Variants in INTS1 observed in about 807,000 individuals in gnomAD.
INTS1 encodes integrator complex subunit 1.
Under a neutral mutation model 241.6 loss-of-function variants are expected in INTS1, and 137 were observed. The ratio of observed to expected loss-of-function variants is 0.57; its 90% CI spans 0.49 to 0.65. The LOEUF (loss-of-function observed/expected upper bound fraction) is 0.65. Among genes scored for constraint, INTS1 ranks in the 30% least tolerant of loss-of-function variants. INTS1 has a pLI of 0.00. For missense variants in INTS1, 3,073 were observed against 3,032.2 expected (o/e 1.01, Z -0.32); for synonymous variants, 1,692 against 1,337.8 (o/e 1.26, Z -5.78).
intron 35 of INTS1, among the ~76,000 whole-genome samples, chr7:1,477,227 C>A (rs571297768): frequency 6.6e-6 from 1 of 152,358 alleles, no homozygotes; most frequent in South Asian, 2.1e-4. Flanking sequence ...CTGGCCACAG[C>A]CCCATTCCCT....
intron 2 of INTS1, 124 bp from the exon 3 acceptor site, chr7:1,503,315 C>G (rs1303574301): frequency 9.7e-7 from 1 of 1,026,172 alleles, no homozygotes; most frequent in African/African-American, 1.6e-5. Context: ...AGGAAGAAGC[C>G]AGAGCTCACT....
Position 1,483,873 on chromosome 7 carries a change from G to C in INTS1, c.3430-20C>G, listed in dbSNP as rs1782116173. 6.2e-7 allele frequency: 1 copy of C among 1,603,464 alleles called. No homozygotes were observed. The highest frequency in any genetic ancestry group is 1.7e-4 in the Middle Eastern group (1 of 6,040). On this transcript the variant is annotated intron_variant, in intron 25 of 47. Coordinates refer to ENST00000404767, the MANE Select transcript of INTS1 (RefSeq NM_001080453.3). ...CTCCGACTGTGGGAAAAGAGGTGGAGTCAGGCCGTAAGGTTCAGGGACCCT... is the reference window on the plus strand; with the variant it reads ...CTCCGACTGTGGGAAAAGAGGTGGACTCAGGCCGTAAGGTTCAGGGACCCT...
At chr7:1,478,647 G>C (rs950987980) in intron 32 of INTS1, 79 bp downstream of exon 32, 5 of 1,487,774 alleles carry the variant, frequency 3.4e-6, no homozygotes, top group Non-Finnish European at 4.5e-6. Context: ...AGGCCTCGGG[G>C]TGCCAGGCAG....
rs11411108 is a variant in INTS1, at chr7:1,493,591, C to CG, written c.2068+162dup. ...TACACGCACGCTTCTGAATTCCCAA[C>CG]GGCAGATGTGGAGAAGGCAGGTCCC... On this transcript the variant is annotated intron_variant, in intron 15 of 47. Transcript: ENST00000404767. The surrounding 1 kb of genome is among the most constrained non-coding windows in gnomAD (Gnocchi z 5.3). Among the ~76,000 whole-genome samples, 81,726 of 151,904 alleles carry CG rather than the reference C, an allele frequency of 0.54. 23,794 individuals carry two copies. The highest frequency in any genetic ancestry group is 0.77 in the African/African-American group (31,908 of 41,442).
At chr7:1,499,387 C>T (rs778588497) in intron 6 of INTS1, 27 bp from the exon 7 acceptor site, 6 of 1,559,094 alleles carry the variant, frequency 3.8e-6, no homozygotes, top group East Asian at 4.5e-5. Context: ...GGGCTCCATG[C>T]AGCGCCTCCC....
At chr7:1,483,028 G>A in intron 26 of INTS1, 1 of 307,018 alleles carries the variant, frequency 3.3e-6, no homozygotes, top group South Asian at 4.6e-5. Flanking sequence ...CCAGCTCTCT[G>A]GCTCCGCAAA....
Position 1,500,015 on chromosome 7 carries a change from A to T in INTS1, c.553T>A (p.Cys185Ser). 1 of 1,613,198 alleles carries T rather than the reference A, an allele frequency of 6.2e-7. No homozygotes were observed. Among genetic ancestry groups the T allele is most frequent in the Non-Finnish European group, 8.5e-7 (1 of 1,179,742 alleles). Residue 185 changes from cysteine to serine, a missense_variant, in exon 5 of 48, where the codon TGT (cysteine) becomes AGT (serine). Cys to Ser is a moderately radical substitution (Grantham distance 112). Coordinates refer to ENST00000404767, the MANE Select transcript of INTS1 (RefSeq NM_001080453.3). ...FATEGVIEAL[C>S]SLLRRDASIN... ...GAGGCGTCCCGCCGCAGGAGGCTAC[A>T]CAGAGCCTGCCAGGGAGGGCGCATG...
chr7:1,493,196 C>T lies in INTS1; in HGVS notation c.2069-90G>A, dbSNP rs970238039. On this transcript the variant is annotated intron_variant, in intron 15 of 47. Transcript: ENST00000404767. The surrounding 1 kb of genome is among the most constrained non-coding windows in gnomAD (Gnocchi z 5.3). ...GGAACCGGCCCTGCTCGGGCCGCGT[C>T]GGGGTGGGGTGGGGGATGCCGCAGG... 2.9e-5 allele frequency: 14 copies of T among 476,938 alleles called. No homozygotes were observed. The highest frequency in any genetic ancestry group is 2.5e-4 in the African/African-American group (12 of 48,448). 29.5% of individuals were successfully genotyped at this position (476,938 alleles called of 1,614,324 possible).
At chr7:1,502,670 G>A (rs1323219211) in intron 3 of INTS1, among the ~76,000 whole-genome samples, 1 of 152,156 alleles carries the variant, frequency 6.6e-6, no homozygotes, top group African/African-American at 2.4e-5. Flanking sequence ...ACTCAATAAG[G>A]GAGTGACCCG....
In INTS1 at chr7:1,497,256, G is replaced by A. The variant is rs760468121; in HGVS notation, c.1484C>T (p.Ser495Leu). The change falls in exon 11 of 48, where the codon TCG (serine) becomes TTG (leucine). Residue 495 changes from serine to leucine, a missense_variant. By Grantham distance (145) the Ser-to-Leu change is moderately radical. Coordinates refer to ENST00000404767, the MANE Select transcript of INTS1 (RefSeq NM_001080453.3). This position sits in a 1 kb window ranked among gnomAD's most constrained non-coding sequence, Gnocchi z 5.3. ...GATGATCTCCCGCAGCAGGGCCCGC[G>A]AGGCCCGCAGGTAGTCGTCCTTGTT... ...LTNKDDYLRA[S>L]RALLREIIKQ... The A allele has an allele frequency of 4.3e-6, 7 of 1,613,480 alleles. No homozygotes were observed. The highest frequency in any genetic ancestry group is 1.7e-5 in the Admixed American group (1 of 59,988).
rs758256915 is a variant in INTS1 at position 1,503,134 on chromosome 7, G to C, written c.116C>G (p.Ser39Trp). The C allele has an allele frequency of 6.3e-7, 1 of 1,592,984 alleles. No individual in the cohort carries two copies. The highest frequency in any genetic ancestry group is 1.7e-5 in the Admixed American group (1 of 58,090). Residue 39 changes from serine (S) to tryptophan (W), a missense_variant, in exon 3 of 48, where the codon TCG (serine) becomes TGG (tryptophan). Coordinates refer to ENST00000404767, the MANE Select transcript of INTS1 (RefSeq NM_001080453.3). ...ALGSKGQANESKTASTLLKPA... is the reference protein window; with the variant it reads ...ALGSKGQANEWKTASTLLKPA... ...CTTCAGCAGGGTGGACGCCGTTTTCGATTCATTGGCCTGACCCTTTGAGCC... is the reference window on the plus strand; with the variant it reads ...CTTCAGCAGGGTGGACGCCGTTTTCCATTCATTGGCCTGACCCTTTGAGCC...
chr7:1,502,270 G>T (rs1237406142), intron 3 of INTS1, among the ~76,000 whole-genome samples: 2 of 152,164 alleles, frequency 1.3e-5, no homozygotes, highest in African/African-American at 4.8e-5. Flanking sequence ...TGGTGCGATA[G>T]CTGCCAGAGC....
At position 1,504,358 on chromosome 7, in the gene INTS1, A is replaced by T. The variant is rs1275478270; in HGVS notation, c.-77T>A. 1 of 493,840 alleles carries T rather than the reference A, an allele frequency of 2.0e-6. No homozygotes were observed. The highest frequency in any genetic ancestry group is 1.5e-5 in the South Asian group (1 of 65,178). 30.6% of individuals were successfully genotyped at this position (493,840 alleles called of 1,614,324 possible). A position where few individuals can be genotyped will look rare whatever the true frequency, so the allele number is the denominator to read the frequency against. The stretch of plus-strand genomic sequence containing the variant: ...TCGCGACCGGAGCGCCGCCGCCGCC[A>T]CCCGGCCACCCCGGAATCGGAAACC... On this transcript the variant is annotated 5_prime_UTR_variant, in exon 1 of 48. Coordinates refer to ENST00000404767, the MANE Select transcript of INTS1 (RefSeq NM_001080453.3).
chr7:1,471,451 C>A, intron 45 of INTS1, 120 bp downstream of exon 45: 1 of 1,187,128 alleles, frequency 8.4e-7, no homozygotes. Context: ...CCACCCGAAG[C>A]CCAGCCTCAG....
In INTS1 at chr7:1,496,183, T is replaced by C. The variant is rs1016904491; in HGVS notation, c.1684A>G (p.Ile562Val). 1 of 1,613,826 alleles carries C rather than the reference T, an allele frequency of 6.2e-7. No homozygotes were observed. The highest frequency in any genetic ancestry group is 1.3e-5 in the African/African-American group (1 of 75,056). ...GITAQVKEAGIAWDKGEKRNL... is the reference protein window; with the variant it reads ...GITAQVKEAGVAWDKGEKRNL... ...CTCTTTTCTCCTTTGTCCCAGGCGA[T>C]GCCGGCCTCCTTCACCTGCGCTGTG... Residue 562 changes from isoleucine (I) to valine (V), a missense_variant, in exon 12 of 48, where the codon ATC (isoleucine) becomes GTC (valine). Ile to Val is a conservative substitution (Grantham distance 29). Coordinates refer to ENST00000404767, the MANE Select transcript of INTS1 (RefSeq NM_001080453.3).
Position 1,474,818 on chromosome 7 carries a change from G to A in INTS1, c.5523C>T (p.Arg1841=). The A allele has an allele frequency of 2.5e-6, 4 of 1,590,672 alleles. No homozygotes were observed. The highest frequency in any genetic ancestry group is 3.4e-6 in the Non-Finnish European group (4 of 1,171,136). Residue 1841 remains arginine, a synonymous_variant, in exon 40 of 48, where the codon CGC becomes CGT. Coordinates refer to ENST00000404767, the MANE Select transcript of INTS1 (RefSeq NM_001080453.3). ...TGGTGTCCGCAAGGAGCGTGATGAA[G>A]CGGTGGATGAGTCCGTCCAGCTGCA... ...SVCKLDGLIH[R]FITLLADTSD... is the part of the protein sequence containing the mutation.
chr7:1,475,504 G>A (rs1213654603), intron 39 of INTS1, among the ~76,000 whole-genome samples: 1 of 152,164 alleles, frequency 6.6e-6, no homozygotes, highest in Non-Finnish European at 1.5e-5. Flanking sequence ...ACCAGCAGAA[G>A]ACAGGCTGCA....
intron 3 of INTS1, chr7:1,500,784 C>T (rs1783137569): frequency 5.8e-6 from 1 of 173,588 alleles, no homozygotes; most frequent in Non-Finnish European, 1.2e-5. Context: ...GCATGCCCTT[C>T]TTCCCACTTT....
chr7:1,484,181 G>C lies in INTS1; in HGVS notation c.3262-11C>G. 6.2e-7 allele frequency: 1 copy of C among 1,600,228 alleles called. No homozygotes were observed. The highest frequency in any genetic ancestry group is 8.5e-7 in the Non-Finnish European group (1 of 1,172,020). The stretch of plus-strand genomic sequence containing the variant: ...CAGCCGGGCCACGTCCTGGTGTGTG[G>C]ACAGGGGGGCGTCAGAGGCTCCGAG... On this transcript the variant is annotated splice_polypyrimidine_tract_variant and intron_variant, in intron 24 of 47. Coordinates refer to ENST00000404767, the MANE Select transcript of INTS1 (RefSeq NM_001080453.3).
Sources: allele counts gnomAD v4.1 joint callset (sites outside exome capture counted in the v4.1 genomes callset), GRCh38; gene constraint gnomAD v4.1.1; non-coding constraint Gnocchi (gnomAD v3.1); transcripts MANE v1.5; gene names NCBI Gene and HGNC (gene_info 2026-07-23, HGNC 2026-07-21).